The following ZNF862 variants were observed in gnomAD, a reference collection of about 807,000 sequenced individuals.
ZNF862 encodes zinc finger protein 862.
A neutral mutation model predicts 91.1 loss-of-function variants in ZNF862; 64 were observed. The observed-to-expected ratio is 0.70, with a 90% confidence interval of 0.57 to 0.87. The LOEUF is 0.87. ZNF862 is among the 40% of genes least tolerant of loss of function. The probability of loss-of-function intolerance (pLI) is 0.00; values close to 1 mark genes in which losing one functional copy is unlikely to be tolerated. For synonymous variants in ZNF862, 631 were observed against 618.1 expected (o/e 1.02, Z -0.31); for missense variants, 1,459 against 1,528.0 (o/e 0.95, Z 0.75).
At position 149,857,808 on chromosome 7, in the gene ZNF862, G is replaced by A. The variant is rs76898198; in HGVS notation, c.1118-1614G>A. 7.9e-3 allele frequency among the ~76,000 whole-genome samples: 1,201 copies of A among 152,164 alleles called. 8 individuals are homozygous for A. Among genetic ancestry groups the A allele is most frequent in the African/African-American group, 0.028 (1,161 of 41,496 alleles). On this transcript the variant is annotated intron_variant, in intron 5 of 7. Coordinates refer to ENST00000223210, the MANE Select transcript of ZNF862 (RefSeq NM_001099220.3). ...GCAATTCCATTTTTCCAAAGAAAAC[G>A]CTTCCCGTCTCCTGTTTGGAGGGTA...
chr7:149,838,868 C>A (rs1384393945), intron 1 of ZNF862, among the ~76,000 whole-genome samples: 2 of 152,262 alleles, frequency 1.3e-5, no homozygotes, highest in African/African-American at 4.8e-5. Flanking sequence ...TGCCGAGCGT[C>A]CGCTGGGTCG....
chr7:149,847,894 T>G lies in ZNF862; in HGVS notation c.401T>G (p.Leu134Arg). ...GDWAGRNRKL[L>R]KPRSIQKSWF... ...TGGGCCGGAAGAAACAGGAAACTTCTGAAGCCCCGGTCCATCCAGAAGTCG... is the reference window on the plus strand; with the variant it reads ...TGGGCCGGAAGAAACAGGAAACTTCGGAAGCCCCGGTCCATCCAGAAGTCG... Residue 134 changes from leucine to arginine, a missense_variant, in exon 4 of 8, where the codon CTG (leucine) becomes CGG (arginine). Leu to Arg is a moderately radical substitution (Grantham distance 102). Transcript: ENST00000223210. 6.2e-7 allele frequency: 1 copy of G among 1,608,434 alleles called. No homozygotes were observed. Among genetic ancestry groups the G allele is most frequent in the East Asian group, 2.2e-5 (1 of 44,640 alleles).
At chr7:149,863,144 G>C (rs1802579472) in intron 7 of ZNF862, among the ~76,000 whole-genome samples, 1 of 152,084 alleles carries the variant, frequency 6.6e-6, no homozygotes, top group African/African-American at 2.4e-5. Context: ...TGAGGGGGAA[G>C]CTGTATTAGA....
At chr7:149,844,182 G>A (rs933639658) in intron 1 of ZNF862, among the ~76,000 whole-genome samples, 4 of 151,200 alleles carry the variant, frequency 2.6e-5, no homozygotes, top group Non-Finnish European at 5.9e-5. Context: ...AGCATTGCCT[G>A]TTTTCATCAT....
In ZNF862 at chr7:149,844,702, G is replaced by A. The variant is rs1801813432; in HGVS notation, c.102G>A (p.Glu34=). The A allele has an allele frequency of 6.3e-7, 1 of 1,599,552 alleles. No homozygotes were observed. Among genetic ancestry groups the A allele is most frequent in the South Asian group, 1.1e-5 (1 of 88,114 alleles). The change falls in exon 2 of 8, where the codon GAG becomes GAA. Residue 34 remains glutamate (E), a synonymous_variant. Transcript: ENST00000223210. The part of the protein sequence containing the change: ...EWVLLSQQQK[E]LCGSNKLVAP... ...TGCTGCTGAGCCAGCAACAGAAGGA[G>A]CTCTGTGGTTCCAACAAGCTGGTGG...
At chr7:149,840,195 A>T (rs996036557) in intron 1 of ZNF862, among the ~76,000 whole-genome samples, 26 of 142,928 alleles carry the variant, frequency 1.8e-4, no homozygotes, top group African/African-American at 7.4e-4. Flanking sequence ...AGTAAAAAAA[A>T]AAAAAAAAAA....
intron 4 of ZNF862, among the ~76,000 whole-genome samples, chr7:149,849,418 C>T (rs1419075055): frequency 1.3e-5 from 2 of 152,200 alleles, no homozygotes; most frequent in Admixed American, 1.3e-4. Flanking sequence ...TTACCGAATG[C>T]TTTGGAAAGT....
rs773679693 is a variant in ZNF862, at chr7:149,861,402, C to T, written c.2242C>T (p.Arg748Trp). The change falls in exon 7 of 8, where the codon CGG (arginine) becomes TGG (tryptophan). Residue 748 changes from arginine (R) to tryptophan (W), a missense_variant. By Grantham distance (101) the Arg-to-Trp change is moderately radical. Coordinates refer to ENST00000223210, the MANE Select transcript of ZNF862 (RefSeq NM_001099220.3). The surrounding 1 kb of genome is among the most constrained non-coding windows in gnomAD (Gnocchi z 6.7). ...GSIDLVKKCDRHIRTVFKFYQ... is the reference protein window; with the variant it reads ...GSIDLVKKCDWHIRTVFKFYQ... ...CATCGATCTGGTGAAGAAGTGTGACCGGCACATCCGCACCGTCTTCAAGTT... is the reference window on the plus strand; with the variant it reads ...CATCGATCTGGTGAAGAAGTGTGACTGGCACATCCGCACCGTCTTCAAGTT... The T allele has an allele frequency of 1.3e-5, 21 of 1,613,030 alleles. No individual in the cohort carries two copies. The East Asian group carries it at 3.6e-4, about 27-fold the overall frequency.
intron 4 of ZNF862, among the ~76,000 whole-genome samples, chr7:149,848,983 A>G (rs1346267054): frequency 2.6e-5 from 4 of 152,092 alleles, no homozygotes; most frequent in African/African-American, 7.2e-5. Flanking sequence ...TATTTTTCGT[A>G]GAGATGGGAA....
chr7:149,846,682 G>A (rs1437400712), intron 3 of ZNF862, among the ~76,000 whole-genome samples: 2 of 152,182 alleles, frequency 1.3e-5, no homozygotes, highest in Non-Finnish European at 2.9e-5. Flanking sequence ...CTCCTGTTCA[G>A]GGGTTGGCTT....
chr7:149,848,225 C>T lies in ZNF862; in HGVS notation c.732C>T (p.Pro244=), dbSNP rs776992374. 21 of 1,613,718 alleles carry T rather than the reference C, an allele frequency of 1.3e-5. No homozygotes were observed. The highest frequency in any genetic ancestry group is 1.3e-5 in the African/African-American group (1 of 74,924). The part of the protein sequence containing the change: ...LFTADCPIFY[P]PGPLGGFDSM... ...CTGCAGATTGCCCCATATTCTACCC[C>T]CCAGGGCCTCTGGGAGGATTTGATA... Residue 244 remains proline (P), a synonymous_variant, in exon 4 of 8, where the codon CCC becomes CCT. Transcript: ENST00000223210.
chr7:149,861,025 C>G lies in ZNF862; in HGVS notation c.1865C>G (p.Pro622Arg). The change falls in exon 7 of 8, where the codon CCC becomes CGC. Residue 622 changes from proline (P) to arginine (R), a missense_variant. Pro to Arg is a moderately radical substitution (Grantham distance 103). Transcript: ENST00000223210. This position sits in a 1 kb window ranked among gnomAD's most constrained non-coding sequence, Gnocchi z 6.7. ...REILEDVRNS[P>R]CVSVLLDSST... ...ATCCTGGAGGACGTGCGGAACTCGCCCTGTGTGAGCGTGCTGCTGGACAGC... is the reference window on the plus strand; with the variant it reads ...ATCCTGGAGGACGTGCGGAACTCGCGCTGTGTGAGCGTGCTGCTGGACAGC... 1 of 1,612,990 alleles carries G rather than the reference C, an allele frequency of 6.2e-7. No individual in the cohort carries two copies. Among genetic ancestry groups the G allele is most frequent in the Non-Finnish European group, 8.5e-7 (1 of 1,179,722 alleles).
chr7:149,861,041 G>T lies in ZNF862; in HGVS notation c.1881G>T (p.Leu627=), dbSNP rs1361987646. Residue 627 remains leucine (L), a synonymous_variant, in exon 7 of 8, where the codon CTG becomes CTT. Coordinates refer to ENST00000223210, the MANE Select transcript of ZNF862 (RefSeq NM_001099220.3). This position sits in a 1 kb window ranked among gnomAD's most constrained non-coding sequence, Gnocchi z 6.7. The stretch of plus-strand genomic sequence containing the variant: ...GGAACTCGCCCTGTGTGAGCGTGCT[G>T]CTGGACAGCTCCACCGACGCCTCCG... The part of the protein sequence containing the change: ...DVRNSPCVSV[L]LDSSTDASEQ... 6.2e-7 allele frequency: 1 copy of T among 1,612,808 alleles called. No individual in the cohort carries two copies.
Position 149,848,033 on chromosome 7 carries a change from T to C in ZNF862, c.540T>C (p.Gly180=), listed in dbSNP as rs1801936429. Residue 180 remains glycine (G), a synonymous_variant, in exon 4 of 8, where the codon GGT becomes GGC. Transcript: ENST00000223210. The stretch of plus-strand genomic sequence containing the variant: ...ACAAACGGTCAAGACTAATAGAAGG[T>C]TATACAGGACCATTCAAGGTGGAGA... The part of the protein sequence containing the change: ...IRDKRSRLIE[G]YTGPFKVETL... 2 of 1,613,888 alleles carry C rather than the reference T, an allele frequency of 1.2e-6. No individual in the cohort carries two copies. The highest frequency in any genetic ancestry group is 1.7e-6 in the Non-Finnish European group (2 of 1,179,840).
intron 3 of ZNF862, among the ~76,000 whole-genome samples, chr7:149,847,448 C>T (rs6968093): frequency 0.5 from 75,809 of 151,964 alleles, 20,303 homozygotes; most frequent in African/African-American, 0.71. Flanking sequence ...ATTGCAAAGA[C>T]TTCCTTTTGG....
Position 149,860,438 on chromosome 7 carries a change from C to T in ZNF862, c.1278C>T (p.Asp426=). ...CAGACACACAGGCCTCGGCTGCAGA[C>T]TCCGCGTTGCTTCCAGGCTCTCCCG... ...READTQASAA[D]SALLPGSPVE... is the part of the protein sequence containing the mutation. Residue 426 remains aspartate, a synonymous_variant, in exon 7 of 8, where the codon GAC becomes GAT. Coordinates refer to ENST00000223210, the MANE Select transcript of ZNF862 (RefSeq NM_001099220.3). The T allele has an allele frequency of 6.2e-7, 1 of 1,613,896 alleles. No individual in the cohort carries two copies. The highest frequency in any genetic ancestry group is 8.5e-7 in the Non-Finnish European group (1 of 1,179,824).
In ZNF862 at chr7:149,844,716, A is replaced by G. The variant is rs867087272; in HGVS notation, c.116A>G (p.Asn39Ser). 4.4e-6 allele frequency: 7 copies of G among 1,591,402 alleles called. No individual in the cohort carries two copies. The African/African-American group carries it at 8.0e-5, about 18-fold the overall frequency. ...SQQQKELCGS[N>S]KLVAPLGPTV... Reference sequence around the variant, plus strand: ...CAACAGAAGGAGCTCTGTGGTTCCAACAAGCTGGTGGCACCACTGGGTATG... The same window carrying G: ...CAACAGAAGGAGCTCTGTGGTTCCAGCAAGCTGGTGGCACCACTGGGTATG... Residue 39 changes from asparagine to serine, a missense_variant, in exon 2 of 8, where the codon AAC (asparagine) becomes AGC (serine). Asn to Ser is a conservative substitution (Grantham distance 46, BLOSUM62 1). Coordinates refer to ENST00000223210, the MANE Select transcript of ZNF862 (RefSeq NM_001099220.3).
chr7:149,847,679 G>A, intron 3 of ZNF862, 56 bp from the exon 4 acceptor site: 1 of 1,262,598 alleles, frequency 7.9e-7, no homozygotes, highest in East Asian at 2.5e-5. Flanking sequence ...CCTGTGAGTT[G>A]CAGTGGCTCT....
intron 5 of ZNF862, among the ~76,000 whole-genome samples, chr7:149,857,280 A>C (rs549671170): frequency 6.6e-6 from 1 of 151,758 alleles, no homozygotes; most frequent in Non-Finnish European, 1.5e-5. Flanking sequence ...TCCTGGATTG[A>C]GTCTCTGGTT....
Sources: gnomAD v4.1 joint callset for allele counts (sites outside exome capture counted in the v4.1 genomes callset) on GRCh38, gnomAD v4.1.1 for gene constraint, Gnocchi (gnomAD v3.1) non-coding constraint, MANE v1.5 for transcripts, NCBI Gene and HGNC (gene_info 2026-07-23, HGNC 2026-07-21) for gene names.